MGAT4C: variants seen among roughly 807,000 people sequenced by gnomAD.
The protein encoded by MGAT4C is alpha-1,3-mannosyl-glycoprotein 4-beta-N-acetylglucosaminyltransferase C.
Under a neutral mutation model 40.1 loss-of-function variants are expected in MGAT4C, and 19 were observed. The ratio of observed to expected loss-of-function variants is 0.47; its 90% confidence interval spans 0.33 to 0.70. The LOEUF is 0.70. Among genes scored for constraint, MGAT4C ranks in the 30% least tolerant of loss-of-function variants. MGAT4C has a pLI of 0.02. For synonymous variants in MGAT4C, 181 were observed against 187.1 expected (o/e 0.97, Z 0.27); for missense variants, 491 against 563.2 (o/e 0.87, Z 1.30).
chr12:86,689,641 G>T (rs1950139250), intron 2 of MGAT4C, among the ~76,000 whole-genome samples: 2 of 152,140 alleles, frequency 1.3e-5, no homozygotes. Flanking sequence ...TCACCAGCAG[G>T]GGCTGCAGAA....
chr12:86,420,349 T>C (rs937058427), intron 3 of MGAT4C, among the ~76,000 whole-genome samples: 1 of 151,968 alleles, frequency 6.6e-6, no homozygotes, highest in Non-Finnish European at 1.5e-5. Flanking sequence ...GCCACTACAC[T>C]GCAGTCTGGA....
intron 2 of MGAT4C, among the ~76,000 whole-genome samples, chr12:85,996,673 A>AG (rs1430825335): frequency 6.6e-6 from 1 of 152,218 alleles, no homozygotes; most frequent in African/African-American, 2.4e-5. Flanking sequence ...ACATTTAGTA[A>AG]TTAATGAAAG....
intron 1 of MGAT4C, among the ~76,000 whole-genome samples, chr12:86,169,106 T>C (rs1347368418): frequency 3.3e-5 from 5 of 152,120 alleles, no homozygotes; most frequent in Non-Finnish European, 7.4e-5. Flanking sequence ...TATCTGAGTA[T>C]CTTACTCATT....
intron 1 of MGAT4C, among the ~76,000 whole-genome samples, chr12:86,062,225 C>G (rs144827200): frequency 6.6e-6 from 1 of 152,130 alleles, no homozygotes; most frequent in African/African-American, 2.4e-5. Flanking sequence ...GGTGATACCC[C>G]GGCAAACACG....
chr12:86,032,552 T>C lies in MGAT4C; in HGVS notation c.-7+17122A>G, dbSNP rs189201897. 7.3e-3 allele frequency among the ~76,000 whole-genome samples: 1,099 copies of C among 150,060 alleles called. 35 individuals carry two copies. The highest frequency in any genetic ancestry group is 0.025 in the African/African-American group (1,017 of 41,414). ...TTTTTTCATATGTTTGTTGGCCATGTGTATGTCTTCTTTTGAAAAGTGTCT... is the reference window on the plus strand; with the variant it reads ...TTTTTTCATATGTTTGTTGGCCATGCGTATGTCTTCTTTTGAAAAGTGTCT... On this transcript the variant is annotated intron_variant, in intron 2 of 4. Transcript: ENST00000611864.
chr12:86,539,176 C>G (rs1959130300), intron 2 of MGAT4C, among the ~76,000 whole-genome samples: 1 of 150,906 alleles, frequency 6.6e-6, no homozygotes. Flanking sequence ...CCTTCCCCCT[C>G]CCCCGACCCC....
intron 1 of MGAT4C, among the ~76,000 whole-genome samples, chr12:86,826,234 T>TG (rs1161459023): frequency 6.6e-6 from 1 of 151,490 alleles, no homozygotes; most frequent in African/African-American, 2.4e-5. Context: ...CTGTGTTATG[T>TG]GACTCCCCAG....
chr12:86,481,190 C>A (rs1329316852), intron 2 of MGAT4C, among the ~76,000 whole-genome samples: 1 of 151,932 alleles, frequency 6.6e-6, no homozygotes, highest in Non-Finnish European at 1.5e-5. Context: ...ATGTATATTT[C>A]ATTTTCTTTT....
chr12:86,026,429 A>G (rs1890252823), intron 2 of MGAT4C, among the ~76,000 whole-genome samples: 1 of 151,770 alleles, frequency 6.6e-6, no homozygotes, highest in African/African-American at 2.4e-5. Context: ...TTCTTTCACT[A>G]TATCTTGAAA....
intron 2 of MGAT4C, among the ~76,000 whole-genome samples, chr12:86,012,586 C>G (rs1460080178): frequency 1.3e-5 from 2 of 150,968 alleles, no homozygotes; most frequent in Non-Finnish European, 3.0e-5. Context: ...ACTAAAAATA[C>G]AAAAAAGAAA....
At chr12:86,155,691 A>G (rs1291083503) in intron 1 of MGAT4C, among the ~76,000 whole-genome samples, 1 of 152,204 alleles carries the variant, frequency 6.6e-6, no homozygotes, top group Non-Finnish European at 1.5e-5. Context: ...CAAATAGGTG[A>G]AAACAATTAT....
chr12:86,534,602 T>C (rs187802785), intron 2 of MGAT4C, among the ~76,000 whole-genome samples: 1 of 152,174 alleles, frequency 6.6e-6, no homozygotes, highest in Non-Finnish European at 1.5e-5. Context: ...AAGTAGATTT[T>C]TGTCATTTCC....
intron 3 of MGAT4C, among the ~76,000 whole-genome samples, chr12:86,389,413 A>G (rs541174928): frequency 6.6e-6 from 1 of 152,278 alleles, no homozygotes; most frequent in Admixed American, 6.5e-5. Context: ...CATGGTCTAT[A>G]TGTACCACAT....
At chr12:86,770,125 C>T (rs993400885) in intron 1 of MGAT4C, among the ~76,000 whole-genome samples, 16 of 151,808 alleles carry the variant, frequency 1.1e-4, no homozygotes, top group African/African-American at 3.9e-4. Flanking sequence ...ATGATTTAGC[C>T]TATATTCAGA....
intron 1 of MGAT4C, among the ~76,000 whole-genome samples, chr12:86,743,065 TGTGTATGC>T (rs1002498889): frequency 1.3e-5 from 2 of 148,840 alleles, no homozygotes; most frequent in African/African-American, 4.9e-5. Flanking sequence ...TATGTGTATG[TGTGTATGC>T]ATGTGTGTAT....
At position 86,037,144 on chromosome 12, in the gene MGAT4C, A is replaced by G. The variant is rs142059879; in HGVS notation, c.-7+12530T>C. On this transcript the variant is annotated intron_variant, in intron 2 of 4. Transcript: ENST00000611864. ...TGAGATCAGTGGTGATATCCCCTCG[A>G]TCATTTTTTATTGCATCTATTTGAT... 8.0e-3 allele frequency among the ~76,000 whole-genome samples: 1,205 copies of G among 149,934 alleles called. 106 individuals carry two copies. The highest frequency in any genetic ancestry group is 0.012 in the Non-Finnish European group (828 of 66,802).
At chr12:86,175,964 C>A (rs1208119864) in intron 1 of MGAT4C, among the ~76,000 whole-genome samples, 2 of 152,034 alleles carry the variant, frequency 1.3e-5, no homozygotes, top group African/African-American at 4.8e-5. Flanking sequence ...AGGGAGACTC[C>A]GTCTCAAAAC....
intron 1 of MGAT4C, among the ~76,000 whole-genome samples, chr12:86,751,753 C>T (rs1279561031): frequency 6.6e-6 from 1 of 151,878 alleles, no homozygotes; most frequent in Non-Finnish European, 1.5e-5. Flanking sequence ...TGTCAATAAG[C>T]AAATTAAAGC....
At chr12:86,200,379 A>C (rs754777182) in intron 1 of MGAT4C, among the ~76,000 whole-genome samples, 2 of 151,870 alleles carry the variant, frequency 1.3e-5, no homozygotes, top group Non-Finnish European at 2.9e-5. Flanking sequence ...ATGTATTTTC[A>C]CTCTTTAGTA....
Sources: gnomAD v4.1 joint callset for allele counts (sites outside exome capture counted in the v4.1 genomes callset) on GRCh38, gnomAD v4.1.1 for gene constraint, MANE v1.5 for transcripts, NCBI Gene and HGNC (gene_info 2026-07-23, HGNC 2026-07-21) for gene names.